Variants in RORB observed in about 807,000 individuals in gnomAD.
RORB encodes the protein RAR related orphan receptor B.
In RORB, 6 loss-of-function variants were observed where a neutral mutation model predicts 59.1. The ratio of observed to expected loss-of-function variants is 0.10; its 90% CI spans 0.06 to 0.20. RORB has a LOEUF of 0.20. Among genes scored for constraint, RORB ranks in the 10% least tolerant of loss-of-function variants. The pLI is 1.00. For missense variants in RORB, 320 were observed against 560.5 expected (o/e 0.57, Z 4.33); for synonymous variants, 215 against 204.5 (o/e 1.05, Z -0.44).
chr9:74,567,455 G>A (rs1162860687), intron 1 of RORB, among the ~76,000 whole-genome samples: 1 of 152,094 alleles, frequency 6.6e-6, no homozygotes, highest in African/African-American at 2.4e-5. Context: ...TGGTTGCTGA[G>A]CTCACATAAC....
intron 1 of RORB, among the ~76,000 whole-genome samples, chr9:74,579,286 TATTAAACACAATTAATTA>T (rs1312940168): frequency 6.6e-6 from 1 of 152,164 alleles, no homozygotes; most frequent in Non-Finnish European, 1.5e-5. Context: ...TTTTATTACT[TATTAAACACAATTAATTA>T]ATTAAACACA....
intron 1 of RORB, among the ~76,000 whole-genome samples, chr9:74,544,336 G>C (rs546890400): frequency 6.6e-6 from 1 of 152,104 alleles, no homozygotes; most frequent in African/African-American, 2.4e-5. Flanking sequence ...ACTGTTCTTC[G>C]GTTTCCAGAG....
rs151320378 is a variant in RORB at position 74,537,915 on chromosome 9, G to A, written c.7+39932G>A. On this transcript the variant is annotated intron_variant, in intron 1 of 9. Transcript: ENST00000376896. ...TTTAGGAAGTCTACGGTAGTATACA[G>A]TAACGTCCTAGGCCTTCATTCACTC... Among the ~76,000 whole-genome samples, 150 of 152,172 alleles carry A rather than the reference G, an allele frequency of 9.9e-4. 2 individuals are homozygous for A. Among genetic ancestry groups the A allele is most frequent in the African/African-American group, 3.4e-3 (141 of 41,538 alleles).
intron 1 of RORB, among the ~76,000 whole-genome samples, chr9:74,510,801 G>A (rs1383641158): frequency 3.3e-5 from 5 of 152,040 alleles, no homozygotes; most frequent in African/African-American, 1.2e-4. Flanking sequence ...AATATAAGTG[G>A]TTAATAAACA....
intron 1 of RORB, among the ~76,000 whole-genome samples, chr9:74,617,292 G>T (rs999922332): frequency 3.9e-5 from 6 of 152,072 alleles, no homozygotes; most frequent in Non-Finnish European, 7.4e-5. Flanking sequence ...AAGATCATTA[G>T]ATTGTTCTAC....
chr9:74,566,743 G>A (rs1300297993), intron 1 of RORB, among the ~76,000 whole-genome samples: 1 of 152,226 alleles, frequency 6.6e-6, no homozygotes, highest in African/African-American at 2.4e-5. Context: ...GTTGCAGTGA[G>A]CTGAGATGGT....
chr9:74,652,171 C>A lies in RORB; in HGVS notation c.638-8446C>A, dbSNP rs547075459. On this transcript the variant is annotated intron_variant, in intron 4 of 9. Transcript: ENST00000376896. ...AGGCGCGGTGGCTCACTTTGGGAGG[C>A]CGAGGCGGGCAGATCATCTGAGGCC... 3.3e-5 allele frequency among the ~76,000 whole-genome samples: 5 copies of A among 152,250 alleles called. No individual in the cohort carries two copies. The South Asian group carries it at 1.0e-3, about 32-fold the overall frequency.
chr9:74,641,442 T>TTAC (rs1563961655), intron 3 of RORB, among the ~76,000 whole-genome samples: 1 of 152,190 alleles, frequency 6.6e-6, no homozygotes, highest in Non-Finnish European at 1.5e-5. Flanking sequence ...GAAAAGATAG[T>TTAC]TACTGTTTTG....
At chr9:74,624,881 G>A (rs144283970) in intron 1 of RORB, among the ~76,000 whole-genome samples, 1 of 152,296 alleles carries the variant, frequency 6.6e-6, no homozygotes, top group East Asian at 1.9e-4. Flanking sequence ...GACATTAAGA[G>A]ATTTAATTGC....
intron 1 of RORB, among the ~76,000 whole-genome samples, chr9:74,502,733 T>C (rs1217160980): frequency 1.3e-5 from 2 of 152,054 alleles, no homozygotes; most frequent in Admixed American, 6.5e-5. Context: ...CCAGTGTGCA[T>C]TGGTGAAATT....
chr9:74,636,763 G>C (rs944967755), intron 3 of RORB, among the ~76,000 whole-genome samples: 1 of 152,102 alleles, frequency 6.6e-6, no homozygotes, highest in African/African-American at 2.4e-5. Flanking sequence ...TGGTCACGGG[G>C]GTGTGGGTGG....
chr9:74,623,380 C>T lies in RORB; in HGVS notation c.8-6902C>T, dbSNP rs138989970. On this transcript the variant is annotated intron_variant, in intron 1 of 9. Coordinates refer to ENST00000376896, the MANE Select transcript of RORB (RefSeq NM_006914.4). ...TTAATTACAGTAACGCAAGATATTT[C>T]TGGAATATGCTGTGTTCTCTTTTTT... Among the ~76,000 whole-genome samples the T allele has an allele frequency of 7.2e-3, 1,099 of 151,886 alleles. 18 individuals carry two copies. Among genetic ancestry groups the T allele is most frequent in the African/African-American group, 0.025 (1,044 of 41,440 alleles).
At chr9:74,661,940 C>T (rs7043312) in intron 5 of RORB, among the ~76,000 whole-genome samples, 7,089 of 151,848 alleles carry the variant, frequency 0.047, 457 homozygotes, top group East Asian at 0.34. Context: ...CCACCGCGCC[C>T]GGCCTCGGAA....
At chr9:74,615,065 A>G (rs1823290259) in intron 1 of RORB, among the ~76,000 whole-genome samples, 2 of 152,168 alleles carry the variant, frequency 1.3e-5, no homozygotes, top group South Asian at 4.1e-4. Flanking sequence ...TGCTGTATTA[A>G]CTACTTCATA....
chr9:74,672,116 C>T (rs958261680), intron 9 of RORB, among the ~76,000 whole-genome samples: 1 of 152,110 alleles, frequency 6.6e-6, no homozygotes, highest in African/African-American at 2.4e-5. Context: ...ATTGACAGAT[C>T]TGAATCCAAG....
At chr9:74,571,168 A>C (rs368898666) in intron 1 of RORB, among the ~76,000 whole-genome samples, 1 of 152,040 alleles carries the variant, frequency 6.6e-6, no homozygotes, top group East Asian at 1.9e-4. Flanking sequence ...ATTTCCTAAA[A>C]ATTGGTTAAA....
intron 1 of RORB, among the ~76,000 whole-genome samples, chr9:74,560,922 G>A (rs371923737): frequency 2.6e-5 from 4 of 152,180 alleles, no homozygotes; most frequent in Admixed American, 6.5e-5. Context: ...AAATACATTG[G>A]TTATCAGGAT....
At chr9:74,682,425 A>G (rs1473806188) in intron 9 of RORB, among the ~76,000 whole-genome samples, 2 of 152,032 alleles carry the variant, frequency 1.3e-5, no homozygotes, top group African/African-American at 4.8e-5. Context: ...CTAAAACTTA[A>G]AGTATAATAA....
rs1237199821 is a variant in RORB at position 74,688,889 on chromosome 9, A to G, written c.*3271A>G. The stretch of plus-strand genomic sequence containing the variant: ...CAAACTTTCTATACAAATCCTGAAC[A>G]AGGAAAATACAGAAATCTAACTGGC... On this transcript the variant is annotated 3_prime_UTR_variant, in exon 10 of 10. Transcript: ENST00000376896. The G allele has an allele frequency of 2.0e-5, 3 of 152,224 alleles. No homozygotes were observed. Among genetic ancestry groups the G allele is most frequent in the Non-Finnish European group, 2.9e-5 (2 of 68,038 alleles). The allele number at this position is 152,224 out of a possible 1,614,324, so 9.4% of individuals were successfully genotyped here.
Sources: gnomAD v4.1 joint callset for allele counts (sites outside exome capture counted in the v4.1 genomes callset) on GRCh38, gnomAD v4.1.1 for gene constraint, MANE v1.5 for transcripts, NCBI Gene and HGNC (gene_info 2026-07-23, HGNC 2026-07-21) for gene names.